PPEF2: variants seen among roughly 807,000 people sequenced by gnomAD.
PPEF2 encodes protein phosphatase with EF-hand domain 2, also known as serine/threonine-protein phosphatase with EF-hands 2.
A neutral mutation model predicts 84.7 loss-of-function variants in PPEF2; 84 were observed. That is an observed-to-expected ratio of 0.99 (90% CI 0.83 to 1.19). The LOEUF is 1.19. Ranked by LOEUF, PPEF2 falls within the 50% of genes most tolerant of loss-of-function variation. The probability of loss-of-function intolerance (pLI) is 0.00; values close to 1 mark genes in which losing one functional copy is unlikely to be tolerated. For missense variants in PPEF2, 924 were observed against 937.5 expected (o/e 0.99, Z 0.19); for synonymous variants, 346 against 345.2 (o/e 1.00, Z -0.03).
intron 2 of PPEF2, among the ~76,000 whole-genome samples, chr4:75,895,646 C>T (rs1724992447): frequency 6.6e-6 from 1 of 151,670 alleles, no homozygotes. Context: ...GCAGGAGAAT[C>T]GCTTGAACCC....
intron 4 of PPEF2, 104 bp downstream of exon 4, chr4:75,891,544 G>A (rs767711385): frequency 2.7e-5 from 36 of 1,312,888 alleles, no homozygotes; most frequent in Non-Finnish European, 3.5e-5. Flanking sequence ...TTATTCCCTG[G>A]CTGTCACCAG....
intron 10 of PPEF2, among the ~76,000 whole-genome samples, chr4:75,877,957 C>A (rs548246086): frequency 6.6e-6 from 1 of 152,294 alleles, no homozygotes; most frequent in African/African-American, 2.4e-5. Context: ...CTGTCTCAGG[C>A]CAGTCCTCAT....
At chr4:75,886,099 C>T (rs796549464) in intron 7 of PPEF2, among the ~76,000 whole-genome samples, 5 of 152,162 alleles carry the variant, frequency 3.3e-5, no homozygotes, top group Non-Finnish European at 5.9e-5. Context: ...TCAGTACCAA[C>T]CCGCAGGTTC....
chr4:75,900,841 A>G (rs1185265537), intron 1 of PPEF2, among the ~76,000 whole-genome samples: 1 of 152,200 alleles, frequency 6.6e-6, no homozygotes, highest in Non-Finnish European at 1.5e-5. Context: ...GACAAAGAAC[A>G]AGGCAAGTCG....
chr4:75,881,933 T>C (rs2149221541), intron 10 of PPEF2: 1 of 152,372 alleles, frequency 6.6e-6, no homozygotes, highest in East Asian at 1.9e-4. Context: ...GATTGTTCCC[T>C]GTCTTTGGAA....
chr4:75,877,401 AAAAG>A lies in PPEF2; in HGVS notation c.934-732_934-729del, dbSNP rs1235138352. On this transcript the variant is annotated intron_variant, in intron 10 of 16. Coordinates refer to ENST00000286719, the MANE Select transcript of PPEF2 (RefSeq NM_006239.3). The stretch of plus-strand genomic sequence containing the variant: ...AAGAGAGAAAGAAAGAAGAGGAAGA[AAAAG>A]AAAGAAAGAGAGAGAAAGGAAGGAA... Among the ~76,000 whole-genome samples the A allele has an allele frequency of 7.6e-4, 115 of 152,062 alleles. 1 individual carries two copies. Among genetic ancestry groups the A allele is most frequent in the African/African-American group, 2.2e-3 (93 of 41,506 alleles).
Position 75,890,034 on chromosome 4 carries a change from A to G in PPEF2, c.340T>C (p.Tyr114His). The G allele has an allele frequency of 6.2e-7, 1 of 1,614,100 alleles. No individual in the cohort carries two copies. The highest frequency in any genetic ancestry group is 8.5e-7 in the Non-Finnish European group (1 of 1,180,020). Residue 114 changes from tyrosine (Y) to histidine (H), a missense_variant, in exon 5 of 17, where the codon TAC becomes CAC. Transcript: ENST00000286719. ...GGGAAGGAGAGGCGTGGCCCCGTGT[A>G]ACTGTCGGGTACCTCTATGGATTCA... ...DYESIEVPDS[Y>H]TGPRLSFPLL... is the part of the protein sequence containing the mutation.
intron 1 of PPEF2, among the ~76,000 whole-genome samples, chr4:75,901,120 G>C (rs900014519): frequency 1.3e-5 from 2 of 152,088 alleles, no homozygotes; most frequent in Admixed American, 6.6e-5. Context: ...TTACACATAA[G>C]AAAAATTAGA....
intron 13 of PPEF2, among the ~76,000 whole-genome samples, chr4:75,871,636 A>G (rs1459734452): frequency 6.6e-6 from 1 of 151,982 alleles, no homozygotes; most frequent in Non-Finnish European, 1.5e-5. Context: ...ACATCAGGCT[A>G]ATTTTTGAAT....
At position 75,886,925 on chromosome 4, in the gene PPEF2, A is replaced by G. The variant is rs3821976; in HGVS notation, c.533-27T>C. On this transcript the variant is annotated intron_variant, in intron 6 of 16. Transcript: ENST00000286719. ...TAACAAAGATAGAAAAAGAATATCA[A>G]TTCTGATTGTTCCTTACCAGTGCTT... The G allele has an allele frequency of 9.4e-4, 1,213 of 1,294,784 alleles. 18 individuals are homozygous for G. The East Asian group carries it at 0.02, about 22-fold the overall frequency. 80.2% of individuals were successfully genotyped at this position (1,294,784 alleles called of 1,614,324 possible).
Position 75,860,793 on chromosome 4 carries a change from A to G in PPEF2, c.2136T>C (p.Ile712=). ...AGGCCTCCAGGAACTCATTGATATC[A>G]ATGTGGCCATCTTTGTTGAAATCAA... ...RSIDFNKDGH[I]DINEFLEAFR... The change falls in exon 17 of 17, where the codon ATT becomes ATC. Residue 712 remains isoleucine (I), a synonymous_variant. Transcript: ENST00000286719. The G allele has an allele frequency of 6.2e-7, 1 of 1,614,206 alleles. No homozygotes were observed. Among genetic ancestry groups the G allele is most frequent in the Non-Finnish European group, 8.5e-7 (1 of 1,180,016 alleles).
At chr4:75,873,420 T>C in intron 11 of PPEF2, 108 bp from the exon 12 acceptor site, 1 of 1,041,144 alleles carries the variant, frequency 9.6e-7, no homozygotes. Context: ...TAAAAATAAG[T>C]GAATAAATGT....
chr4:75,878,811 G>T (rs57659593), intron 10 of PPEF2, among the ~76,000 whole-genome samples: 11,616 of 152,086 alleles, frequency 0.076, 1,466 homozygotes, highest in African/African-American at 0.26. Context: ...ATGGAGTCTC[G>T]CTCTGTCACC....
chr4:75,864,054 G>C (rs1724071265), intron 16 of PPEF2, among the ~76,000 whole-genome samples: 1 of 151,716 alleles, frequency 6.6e-6, no homozygotes, highest in South Asian at 2.1e-4. Flanking sequence ...TGTGTTTTTA[G>C]TAGAGACTGG....
At chr4:75,862,629 A>G (rs1247643615) in intron 16 of PPEF2, among the ~76,000 whole-genome samples, 1 of 152,190 alleles carries the variant, frequency 6.6e-6, no homozygotes, top group Admixed American at 6.6e-5. Flanking sequence ...AAACCCCACA[A>G]AAAACAAAAA....
rs780535339 is a variant in PPEF2, at chr4:75,866,195, A to C, written c.1914T>G (p.Ser638Arg). 4.3e-5 allele frequency: 69 copies of C among 1,611,372 alleles called. No homozygotes were observed. The highest frequency in any genetic ancestry group is 5.3e-5 in the Non-Finnish European group (63 of 1,178,472). Residue 638 changes from serine to arginine, a missense_variant, in exon 15 of 17, where the codon AGT (serine) becomes AGG (arginine). Coordinates refer to ENST00000286719, the MANE Select transcript of PPEF2 (RefSeq NM_006239.3). ...ACCATTACCACACCGTTACCTCGCG[A>C]CTCAGTTGTTCCTTGGCCAAGTTCT... ...WLKNLAKEQL[S>R]RENIQSSLLE...
At chr4:75,876,725 G>A in intron 10 of PPEF2, 52 bp from the exon 11 acceptor site, 1 of 1,497,236 alleles carries the variant, frequency 6.7e-7, no homozygotes, top group Non-Finnish European at 8.9e-7. Flanking sequence ...TGTAGGCCCA[G>A]ACAGGTGTGG....
chr4:75,888,117 C>T, intron 6 of PPEF2, 97 bp downstream of exon 6: 2 of 937,152 alleles, frequency 2.1e-6, no homozygotes, highest in Non-Finnish European at 3.4e-6. Context: ...CTTATCATCA[C>T]ATCTCCCTGC....
At chr4:75,892,785 G>C (rs1459770513) in intron 2 of PPEF2, among the ~76,000 whole-genome samples, 1 of 152,146 alleles carries the variant, frequency 6.6e-6, no homozygotes, top group Admixed American at 6.5e-5. Context: ...GGACCTGTGT[G>C]GTCAAGTATT....
Sources: gnomAD v4.1 joint callset for allele counts (sites outside exome capture counted in the v4.1 genomes callset) on GRCh38, gnomAD v4.1.1 for gene constraint, MANE v1.5 for transcripts, NCBI Gene and HGNC (gene_info 2026-07-23, HGNC 2026-07-21) for gene names.